Variants in C4orf51 observed in about 807,000 individuals in gnomAD.
C4orf51 encodes the protein uncharacterized protein C4orf51.
C4orf51 carries 25 observed loss-of-function variants against 25.2 expected under a neutral mutation model. That is an observed-to-expected ratio of 0.99 (90% CI 0.72 to 1.39). The LOEUF (loss-of-function observed/expected upper bound fraction) is 1.39. C4orf51 is among the 40% of genes most tolerant of loss of function. The probability of loss-of-function intolerance (pLI) is 0.00; values close to 1 mark genes in which losing one functional copy is unlikely to be tolerated. For synonymous variants in C4orf51, 100 were observed against 84.5 expected, an observed-to-expected ratio of 1.18 and a Z score of -1.01; for missense variants, 252 against 239.6, an observed-to-expected ratio of 1.05 and a Z score of -0.34.
In C4orf51 at chr4:145,732,556, A is replaced by G; in HGVS notation, c.605A>G (p.Asn202Ser). 6.2e-7 allele frequency: 1 copy of G among 1,604,598 alleles called. No individual in the cohort carries two copies. Among genetic ancestry groups the G allele is most frequent in the Non-Finnish European group, 8.5e-7 (1 of 1,175,080 alleles). Residue 202 changes from asparagine to serine, a missense_variant, in exon 6 of 6, where the codon AAC (asparagine) becomes AGC (serine). Coordinates refer to ENST00000438731, the MANE Select transcript of C4orf51 (RefSeq NM_001080531.3). ...YGWGGPSSPF[N>S] Reference sequence around the variant, plus strand: ...TGGGGAGGACCCTCATCGCCATTTAACTGAGTTGGAAAATGAAGCCACAAG... The same window carrying G: ...TGGGGAGGACCCTCATCGCCATTTAGCTGAGTTGGAAAATGAAGCCACAAG...
At chr4:145,733,593 C>G (rs980816412), downstream of C4orf51, among the ~76,000 whole-genome samples, 2 of 152,048 alleles carry the variant, frequency 1.3e-5, no homozygotes, top group African/African-American at 4.8e-5. Context: ...GACCGTCCTT[C>G]TCTTAGGATT....
intron 1 of C4orf51, among the ~76,000 whole-genome samples, chr4:145,689,716 C>T (rs1249878102): frequency 1.3e-5 from 2 of 152,066 alleles, no homozygotes; most frequent in South Asian, 2.1e-4. Context: ...TTAAGCCACA[C>T]ACCTACAGCC....
chr4:145,720,405 C>T (rs1369498397), intron 2 of C4orf51, among the ~76,000 whole-genome samples: 1 of 152,144 alleles, frequency 6.6e-6, no homozygotes, highest in Non-Finnish European at 1.5e-5. Context: ...GGGAGATACC[C>T]AGGAGTGAAA....
chr4:145,774,594 C>T (rs2126938164), downstream of C4orf51: 1 of 1,613,692 alleles, frequency 6.2e-7, no homozygotes, highest in Non-Finnish European at 8.5e-7. Flanking sequence ...AAAACATCCA[C>T]TGCTCCTTGT....
chr4:145,701,236 A>T (rs1723703950), intron 2 of C4orf51, among the ~76,000 whole-genome samples: 1 of 45,412 alleles, frequency 2.2e-5, no homozygotes, highest in South Asian at 6.9e-4. Flanking sequence ...GTACAATAAT[A>T]AAAAAAAAAG....
At chr4:145,788,143 C>T in the C4orf51 span, among the ~76,000 whole-genome samples, 1 of 152,128 alleles carries the variant, frequency 6.6e-6, no homozygotes, top group South Asian at 2.1e-4. Context: ...AAAAATCATC[C>T]CAGGAAAACT....
downstream of C4orf51, chr4:145,759,179 T>C (rs1465927930): frequency 1.3e-5 from 2 of 152,242 alleles, no homozygotes; most frequent in Non-Finnish European, 2.9e-5. Flanking sequence ...CTTCCCATTA[T>C]TATACAAAGA....
intron 1 of C4orf51, among the ~76,000 whole-genome samples, chr4:145,693,433 C>T (rs1204879464): frequency 1.3e-5 from 2 of 151,822 alleles, no homozygotes; most frequent in Non-Finnish European, 2.9e-5. Flanking sequence ...TGTCTACTTC[C>T]TTCCACACAG....
At position 145,765,808 on chromosome 4, in the gene C4orf51, G is replaced by A; in HGVS notation, n.167-5180G>A. On this transcript the variant is annotated intron_variant and non_coding_transcript_variant, in intron 1 of 1. Coordinates refer to the C4orf51 transcript ENST00000510096. The surrounding 1 kb of genome is among the most constrained non-coding windows in gnomAD (Gnocchi z 4.7). ...CCTCAGAATTATAGCAACTGAGGGTGACGAGTTGAGTCTCATGGATGCATC... is the reference window on the plus strand; with the variant it reads ...CCTCAGAATTATAGCAACTGAGGGTAACGAGTTGAGTCTCATGGATGCATC... The A allele has an allele frequency of 6.7e-7, 1 of 1,484,618 alleles. No homozygotes were observed. The allele number at this position is 1,484,618 out of a possible 1,614,324, so 92.0% of individuals were successfully genotyped here. A position where few individuals can be genotyped will look rare whatever the true frequency, so the allele number is the denominator to read the frequency against.
intron 2 of C4orf51, among the ~76,000 whole-genome samples, chr4:145,726,348 G>A (rs531337434): frequency 2.6e-5 from 4 of 151,926 alleles, no homozygotes; most frequent in South Asian, 4.1e-4. Flanking sequence ...GTAGCTATTC[G>A]AAAATATTCA....
intron 5 of C4orf51, among the ~76,000 whole-genome samples, chr4:145,731,562 A>ATTTTTT (rs1732465657): frequency 2.5e-4 from 23 of 93,270 alleles, no homozygotes; most frequent in Admixed American, 3.8e-4. Context: ...GACAAGGCAA[A>ATTTTTT]TCTTTTTTTT....
chr4:145,782,453 G>T, the C4orf51 span, among the ~76,000 whole-genome samples: 2 of 152,220 alleles, frequency 1.3e-5, no homozygotes, highest in African/African-American at 4.8e-5. Context: ...AGAAACTTTG[G>T]AATCTTTTTT....
At chr4:145,788,680 A>G in the C4orf51 span, among the ~76,000 whole-genome samples, 1 of 152,234 alleles carries the variant, frequency 6.6e-6, no homozygotes, top group South Asian at 2.1e-4. Flanking sequence ...ATATTGATTC[A>G]GGAATCATGT....
chr4:145,778,430 G>A, the C4orf51 span, among the ~76,000 whole-genome samples: 5 of 152,094 alleles, frequency 3.3e-5, no homozygotes, highest in Non-Finnish European at 7.3e-5. Context: ...CATCGCGCCC[G>A]ACAACAAAAA....
rs60310006 is a variant in C4orf51, at chr4:145,740,240, CAAAAAAAAAAAAAAA to C, written n.167+7638_167+7652del. On this transcript the variant is annotated intron_variant and non_coding_transcript_variant, in intron 1 of 1. Coordinates refer to the C4orf51 transcript ENST00000508981. Reference sequence around the variant, plus strand: ...AATTATAGCTATCTCTCCCTTTCTGCAAAAAAAAAAAAAAAAAAAAAAAAAAAAAAAGACAAAAAA... The same window carrying C: ...AATTATAGCTATCTCTCCCTTTCTGCAAAAAAAAAAAAAAAAGACAAAAAA... Among the ~76,000 whole-genome samples the C allele has an allele frequency of 2.0e-3, 209 of 104,768 alleles. 2 individuals carry two copies. Among genetic ancestry groups the C allele is most frequent in the South Asian group, 8.6e-3 (27 of 3,144 alleles). The allele number at this position is 104,768 out of a possible 152,430, so 68.7% of individuals were successfully genotyped here.
intron 2 of C4orf51, among the ~76,000 whole-genome samples, chr4:145,701,609 C>T (rs184291557): frequency 0.011 from 1,725 of 151,682 alleles, 37 homozygotes; most frequent in African/African-American, 0.038. Context: ...TCACGGATGC[C>T]GAGCTTCGGG....
intron 2 of C4orf51, among the ~76,000 whole-genome samples, chr4:145,714,153 G>T (rs915389880): frequency 6.6e-6 from 1 of 152,114 alleles, no homozygotes; most frequent in African/African-American, 2.4e-5. Context: ...TAACTTCTAT[G>T]TGCACTAGGA....
the C4orf51 span, among the ~76,000 whole-genome samples, chr4:145,781,195 C>CAAAAAAAAAAAAAAAAAAAAAAAAAA: frequency 2.1e-4 from 12 of 56,546 alleles, no homozygotes; most frequent in Admixed American, 3.7e-4. Context: ...GACACCATCT[C>CAAAAAAAAAAAAAAAAAAAAAAAAAA]AAAAAAAAAA....
intron 2 of C4orf51, among the ~76,000 whole-genome samples, chr4:145,704,533 A>T (rs529091317): frequency 6.6e-6 from 1 of 152,170 alleles, no homozygotes; most frequent in South Asian, 2.1e-4. Flanking sequence ...AGCTAACTGT[A>T]TATGCGTGGG....
Sources: gnomAD v4.1 joint callset for allele counts (sites outside exome capture counted in the v4.1 genomes callset) on GRCh38, gnomAD v4.1.1 for gene constraint, Gnocchi (gnomAD v3.1) non-coding constraint, MANE v1.5 for transcripts, NCBI Gene and HGNC (gene_info 2026-07-23, HGNC 2026-07-21) for gene names.